The following MAST2 variants were observed in gnomAD, a reference collection of about 807,000 sequenced individuals.
MAST2 encodes microtubule associated serine/threonine kinase 2, also known as microtubule-associated serine/threonine-protein kinase 2.
A neutral mutation model predicts 147.4 loss-of-function variants in MAST2; 70 were observed. The observed-to-expected ratio is 0.47, with a 90% CI of 0.39 to 0.58. The LOEUF is 0.58. MAST2 is among the 20% of genes least tolerant of loss of function. The pLI, the probability that MAST2 is intolerant of heterozygous loss-of-function variation, is 0.00. For missense variants in MAST2, 2,080 were observed against 2,302.3 expected (o/e 0.90, Z 1.98); for synonymous variants, 869 against 896.8 (o/e 0.97, Z 0.55).
chr1:45,870,183 C>T (rs1646325661), intron 3 of MAST2, among the ~76,000 whole-genome samples: 1 of 152,222 alleles, frequency 6.6e-6, no homozygotes, highest in Admixed American at 6.5e-5. Flanking sequence ...CTTGGCCTCC[C>T]AAAGTGCTGG....
In MAST2 at chr1:45,924,494, G is replaced by A. The variant is rs1311541962; in HGVS notation, c.501-34892G>A. On this transcript the variant is annotated intron_variant, in intron 4 of 28. Transcript: ENST00000361297. ...TTCCAGAAGAGAGGGAACTAGGAGGGGGGACTTCCAGGGGCGGGTTCCAGG... is the reference window on the plus strand; with the variant it reads ...TTCCAGAAGAGAGGGAACTAGGAGGAGGGACTTCCAGGGGCGGGTTCCAGG... 5.3e-5 allele frequency among the ~76,000 whole-genome samples: 8 copies of A among 152,258 alleles called. No homozygotes were observed. The East Asian group carries it at 1.5e-3, about 29-fold the overall frequency.
At chr1:45,814,811 T>C (rs917609896) in intron 1 of MAST2, among the ~76,000 whole-genome samples, 1 of 152,146 alleles carries the variant, frequency 6.6e-6, no homozygotes, top group African/African-American at 2.4e-5. Flanking sequence ...AAAAGCTATC[T>C]TGACCTTTGA....
At chr1:46,022,123 T>A (rs780241479) in intron 12 of MAST2, 41 bp downstream of exon 12, 32 of 1,610,170 alleles carry the variant, frequency 2.0e-5, no homozygotes, top group Non-Finnish European at 2.5e-5. Context: ...GCCCCACTGC[T>A]GCTGGCAAGC....
At position 46,025,777 on chromosome 1, in the gene MAST2, C is replaced by A. The variant is rs766434246; in HGVS notation, c.1881C>A (p.His627Gln). The change falls in exon 16 of 29, where the codon CAC (histidine) becomes CAA (glutamine). Residue 627 changes from histidine to glutamine, a missense_variant. By Grantham distance (24) the His-to-Gln change is conservative. Around this residue, in one of 4 missense-constraint regions of MAST2, gnomAD observed 209 missense variants for 309.5 expected, o/e 0.68. Coordinates refer to ENST00000361297, the MANE Select transcript of MAST2 (RefSeq NM_015112.3). ...CTGTGCTGGCCCTGGAGTACTTACACAACTATGGCATCGTGCACCGTGACC... is the reference window on the plus strand; with the variant it reads ...CTGTGCTGGCCCTGGAGTACTTACAAAACTATGGCATCGTGCACCGTGACC... ...AETVLALEYL[H>Q]NYGIVHRDLK... 1.9e-6 allele frequency: 3 copies of A among 1,614,220 alleles called. No homozygotes were observed. Among genetic ancestry groups the A allele is most frequent in the Non-Finnish European group, 1.7e-6 (2 of 1,180,024 alleles).
Position 46,031,641 on chromosome 1 carries a change from G to T in MAST2, c.3187+56G>T. ...CACAGGAAGGGCCTTGTAATCTCTA[G>T]GCCTTGGGAGGGTTCTGCACGTGGC... On this transcript the variant is annotated intron_variant, in intron 24 of 28. Transcript: ENST00000361297. The surrounding 1 kb of genome is among the most constrained non-coding windows in gnomAD (Gnocchi z 4.1). The T allele has an allele frequency of 6.5e-7, 1 of 1,536,400 alleles. No individual in the cohort carries two copies. The highest frequency in any genetic ancestry group is 2.3e-5 in the East Asian group (1 of 43,152).
chr1:45,851,973 TA>T (rs1314020744), intron 3 of MAST2, among the ~76,000 whole-genome samples: 5 of 152,168 alleles, frequency 3.3e-5, no homozygotes, highest in East Asian at 3.9e-4. Flanking sequence ...ATTTAGCCTT[TA>T]AAAAAATACT....
chr1:45,989,669 G>GT (rs1644784711), intron 5 of MAST2, among the ~76,000 whole-genome samples: 1 of 151,780 alleles, frequency 6.6e-6, no homozygotes, highest in Non-Finnish European at 1.5e-5. Flanking sequence ...GTAATGTCAC[G>GT]TATCTGCCAC....
At chr1:46,021,877 G>A (rs1646197772) in intron 11 of MAST2, 73 bp from the exon 12 acceptor site, 5 of 1,469,106 alleles carry the variant, frequency 3.4e-6, no homozygotes, top group Non-Finnish European at 9.5e-7. Flanking sequence ...TCTACTATAT[G>A]CTGTAAAACC....
At chr1:45,960,664 T>C (rs1430287062) in intron 5 of MAST2, among the ~76,000 whole-genome samples, 1 of 152,220 alleles carries the variant, frequency 6.6e-6, no homozygotes, top group Non-Finnish European at 1.5e-5. Context: ...GCCACGGGAC[T>C]CAGCTTTGCT....
intron 1 of MAST2, among the ~76,000 whole-genome samples, chr1:45,805,655 C>T (rs888995458): frequency 1.3e-5 from 2 of 152,124 alleles, no homozygotes; most frequent in African/African-American, 4.8e-5. Context: ...TTTTTCCCTC[C>T]TCTTTATTTT....
intron 4 of MAST2, chr1:45,913,921 GA>G (rs200941634): frequency 1.7e-5 from 20 of 1,163,724 alleles, no homozygotes; most frequent in East Asian, 7.8e-5. Context: ...CAGATGTCAG[GA>G]AAAAAAACTA....
intron 4 of MAST2, among the ~76,000 whole-genome samples, chr1:45,912,309 A>G (rs990673174): frequency 1.3e-5 from 2 of 152,196 alleles, no homozygotes; most frequent in African/African-American, 4.8e-5. Context: ...ATGACCCATC[A>G]CACACGTTCG....
chr1:45,806,174 T>C (rs1570136765), intron 1 of MAST2, among the ~76,000 whole-genome samples: 1 of 152,334 alleles, frequency 6.6e-6, no homozygotes, highest in East Asian at 1.9e-4. Flanking sequence ...TGCTTTCTCC[T>C]AGCACTACTC....
rs774142427 is a variant in MAST2 at position 46,023,486 on chromosome 1, G to A, written c.1571+168G>A. On this transcript the variant is annotated intron_variant, in intron 14 of 28. Transcript: ENST00000361297. The surrounding 1 kb of genome is among the most constrained non-coding windows in gnomAD (Gnocchi z 4.9). ...AGGAGTTCAGATTCCTCTGACATCC[G>A]ATCATTGTTCCTTTCCCAGACAAGA... 5.4e-5 allele frequency: 35 copies of A among 653,800 alleles called. No individual in the cohort carries two copies. Among genetic ancestry groups the A allele is most frequent in the South Asian group, 1.9e-4 (10 of 53,520 alleles). 40.5% of individuals were successfully genotyped at this position (653,800 alleles called of 1,614,324 possible).
At chr1:45,808,234 T>G (rs898144842) in intron 1 of MAST2, among the ~76,000 whole-genome samples, 2 of 152,168 alleles carry the variant, frequency 1.3e-5, no homozygotes, top group African/African-American at 2.4e-5. Flanking sequence ...TGGCTTTTTT[T>G]GTTTGTTTTA....
At chr1:45,861,423 T>TA (rs1645977540) in intron 3 of MAST2, among the ~76,000 whole-genome samples, 1 of 152,182 alleles carries the variant, frequency 6.6e-6, no homozygotes, top group African/African-American at 2.4e-5. Context: ...TTTTTTTTTT[T>TA]TTTTACTCAT....
chr1:45,982,208 T>C (rs903706753), intron 5 of MAST2, among the ~76,000 whole-genome samples: 1 of 152,130 alleles, frequency 6.6e-6, no homozygotes, highest in East Asian at 1.9e-4. Context: ...CCAATAAAAG[T>C]AGCACACATT....
At chr1:45,860,690 A>G (rs1203831723) in intron 3 of MAST2, among the ~76,000 whole-genome samples, 2 of 150,614 alleles carry the variant, frequency 1.3e-5, no homozygotes, top group African/African-American at 4.9e-5. Context: ...AAATTAGCCA[A>G]GCGTAGTGGC....
chr1:45,870,369 G>T (rs1291387623), intron 3 of MAST2, among the ~76,000 whole-genome samples: 1 of 151,988 alleles, frequency 6.6e-6, no homozygotes, highest in Non-Finnish European at 1.5e-5. Context: ...CCCAACTCAG[G>T]AATAATGTAT....
Sources: gnomAD v4.1 joint callset for allele counts (sites outside exome capture counted in the v4.1 genomes callset) on GRCh38, gnomAD v4.1.1 for gene constraint, gnomAD v4.1.1 regional missense constraint, Gnocchi (gnomAD v3.1) non-coding constraint, MANE v1.5 for transcripts, NCBI Gene and HGNC (gene_info 2026-07-23, HGNC 2026-07-21) for gene names.